PCYT1A: variants seen among roughly 807,000 people sequenced by gnomAD.
The protein encoded by PCYT1A is phosphate cytidylyltransferase 1A, choline.
Under a neutral mutation model 43.7 loss-of-function variants are expected in PCYT1A, and 25 were observed. That is an observed-to-expected ratio of 0.57 (90% CI 0.42 to 0.80). The LOEUF (loss-of-function observed/expected upper bound fraction) is 0.80. Among genes scored for constraint, PCYT1A ranks in the 30% least tolerant of loss-of-function variants. PCYT1A has a pLI of 0.00. For synonymous variants in PCYT1A, 172 were observed against 170.7 expected (o/e 1.01, Z -0.06); for missense variants, 421 against 474.2 (o/e 0.89, Z 1.04).
At chr3:196,272,415 A>G (rs1725459331) in intron 1 of PCYT1A, among the ~76,000 whole-genome samples, 1 of 152,028 alleles carries the variant, frequency 6.6e-6, no homozygotes, top group Admixed American at 6.6e-5. Context: ...CGAACACCTG[A>G]CCTCGTGATC....
rs1236326951 is a variant in PCYT1A, at chr3:196,242,047, TGATGTG to T, written c.603_608del (p.Thr202_Ser203del). Reference sequence around the variant, plus strand: ...CCCGCACAATTCGGGTGATGATGTCTGATGTGGAGATACCTTCTGTCCTCTGTGTTG... The same window carrying T: ...CCCGCACAATTCGGGTGATGATGTCTGAGATACCTTCTGTCCTCTGTGTTG... On this transcript the variant is annotated inframe_deletion, in exon 7 of 9. Coordinates refer to ENST00000431016, the MANE Select transcript of PCYT1A (RefSeq NM_001312673.2). The surrounding 1 kb of genome is among the most constrained non-coding windows in gnomAD (Gnocchi z 4.2). 2 of 1,614,028 alleles carry T rather than the reference TGATGTG, an allele frequency of 1.2e-6. No individual in the cohort carries two copies. Among genetic ancestry groups the T allele is most frequent in the African/African-American group, 2.7e-5 (2 of 74,924 alleles).
intron 7 of PCYT1A, 79 bp from the exon 8 acceptor site, chr3:196,239,814 T>C (rs1724296359): frequency 1.1e-6 from 1 of 911,844 alleles, no homozygotes; most frequent in Admixed American, 2.0e-5. Context: ...AAAACATGGC[T>C]CAAGCACTCA....
intron 1 of PCYT1A, among the ~76,000 whole-genome samples, chr3:196,271,657 T>C (rs1725438309): frequency 7.7e-6 from 1 of 130,450 alleles, no homozygotes; most frequent in South Asian, 2.8e-4. Flanking sequence ...TAGAGTGCAG[T>C]GGCACGATCT....
rs534514613 is a variant in PCYT1A, at chr3:196,276,181, C to T, written c.-10-5640G>A. On this transcript the variant is annotated intron_variant, in intron 1 of 8. Coordinates refer to ENST00000431016, the MANE Select transcript of PCYT1A (RefSeq NM_001312673.2). Reference sequence around the variant, plus strand: ...TAAAAGAGTAGATTTTAAATGTTTTCACCACAAAAAAATAAGTATATAAGG... The same window carrying T: ...TAAAAGAGTAGATTTTAAATGTTTTTACCACAAAAAAATAAGTATATAAGG... Among the ~76,000 whole-genome samples, 4 of 151,688 alleles carry T rather than the reference C, an allele frequency of 2.6e-5. No individual in the cohort carries two copies. In the East Asian group the frequency reaches 7.7e-4, roughly 29 times the overall value.
chr3:196,272,576 C>T (rs1725465768), intron 1 of PCYT1A, among the ~76,000 whole-genome samples: 1 of 152,202 alleles, frequency 6.6e-6, no homozygotes, highest in Non-Finnish European at 1.5e-5. Context: ...ACCTCGACCT[C>T]CCAAAGTGCT....
chr3:196,246,386 G>C (rs1560164279), intron 5 of PCYT1A, among the ~76,000 whole-genome samples: 1 of 151,484 alleles, frequency 6.6e-6, no homozygotes, highest in East Asian at 1.9e-4. Context: ...CCCACCTTTT[G>C]CAGGAAACCT....
At position 196,235,767 on chromosome 3, in the gene PCYT1A, A is replaced by G. The variant is rs1724142704; in HGVS notation, c.*2921T>C. On this transcript the variant is annotated 3_prime_UTR_variant, in exon 9 of 9. Coordinates refer to ENST00000431016, the MANE Select transcript of PCYT1A (RefSeq NM_001312673.2). The surrounding 1 kb of genome is among the most constrained non-coding windows in gnomAD (Gnocchi z 4.3). The stretch of plus-strand genomic sequence containing the variant: ...GTGTGATTCAGGGAAACAGCTCCAT[A>G]GCCTCAAACGTTAATATCTGAAGAT... 6.6e-6 allele frequency: 1 copy of G among 152,290 alleles called. No individual in the cohort carries two copies. Among genetic ancestry groups the G allele is most frequent in the Admixed American group, 6.5e-5 (1 of 15,286 alleles). 9.4% of individuals were successfully genotyped at this position (152,290 alleles called of 1,614,324 possible). A position where few individuals can be genotyped will look rare whatever the true frequency, so the allele number is the denominator to read the frequency against.
chr3:196,239,457 C>T lies in PCYT1A; in HGVS notation c.897+90G>A, dbSNP rs890982438. The T allele has an allele frequency of 1.8e-5, 14 of 782,498 alleles. No homozygotes were observed. The African/African-American group carries it at 2.1e-4, about 11-fold the overall frequency. The allele number at this position is 782,498 out of a possible 1,614,324, so 48.5% of individuals were successfully genotyped here. On this transcript the variant is annotated intron_variant, in intron 8 of 8. Coordinates refer to ENST00000431016, the MANE Select transcript of PCYT1A (RefSeq NM_001312673.2). Reference sequence around the variant, plus strand: ...GATAAGGGGATAGACTAGATAACTTCTCAGTGTCGATGCCCCTTCCTGCTC... The same window carrying T: ...GATAAGGGGATAGACTAGATAACTTTTCAGTGTCGATGCCCCTTCCTGCTC...
At chr3:196,269,070 G>A (rs1000442951) in intron 2 of PCYT1A, among the ~76,000 whole-genome samples, 1 of 152,302 alleles carries the variant, frequency 6.6e-6, no homozygotes, top group East Asian at 1.9e-4. Flanking sequence ...CTTTCCCCTG[G>A]ACCCTCCAGC....
In PCYT1A at chr3:196,252,324, T is replaced by C. The variant is rs1364779313; in HGVS notation, c.218-4001A>G. Among the ~76,000 whole-genome samples, 1 of 152,228 alleles carries C rather than the reference T, an allele frequency of 6.6e-6. No individual in the cohort carries two copies. Among genetic ancestry groups the C allele is most frequent in the African/African-American group, 2.4e-5 (1 of 41,464 alleles). ...GTGTGGTGACATGATCTAGGCTCAC[T>C]GCAACCTCTGCCTCCTGGGTTCAAG... is the stretch of plus-strand genomic sequence containing the variant. On this transcript the variant is annotated intron_variant, in intron 3 of 8. Transcript: ENST00000431016. The surrounding 1 kb of genome is among the most constrained non-coding windows in gnomAD (Gnocchi z 4.0).
rs1724993666 is a variant in PCYT1A, at chr3:196,257,833, G to A, written c.172C>T (p.Pro58Ser). 6.2e-7 allele frequency: 1 copy of A among 1,612,996 alleles called. No homozygotes were observed. The highest frequency in any genetic ancestry group is 1.7e-5 in the Admixed American group (1 of 59,956). The stretch of plus-strand genomic sequence containing the variant: ...TCTTCCATAGTTACCCTGACATAGG[G>A]CTTACTAAAGTCAACTTCAATTTCA... ...SDEIEVDFSK[P>S]YVRVTMEEAS... Residue 58 changes from proline to serine, a missense_variant, in exon 3 of 9, where the codon CCC (proline) becomes TCC (serine). Around this residue, in one of 3 missense-constraint regions of PCYT1A, gnomAD observed 139 missense variants for 117.7 expected, o/e 1.18. Transcript: ENST00000431016.
chr3:196,272,287 C>A (rs966980649), intron 1 of PCYT1A, among the ~76,000 whole-genome samples: 3 of 151,926 alleles, frequency 2.0e-5, no homozygotes, highest in African/African-American at 7.3e-5. Context: ...CAGGTTCAAG[C>A]GATTCTCCTG....
chr3:196,255,007 T>A (rs1577362894), intron 3 of PCYT1A, among the ~76,000 whole-genome samples: 1 of 152,206 alleles, frequency 6.6e-6, no homozygotes, highest in African/African-American at 2.4e-5. Context: ...TTTCTCTAAG[T>A]AGAGAATCTT....
chr3:196,271,557 G>C (rs1181908588), intron 1 of PCYT1A, among the ~76,000 whole-genome samples: 1 of 150,134 alleles, frequency 6.7e-6, no homozygotes, highest in African/African-American at 2.5e-5. Context: ...CTCCAGAATA[G>C]CTAGGACCAG....
In PCYT1A at chr3:196,247,136, G is replaced by C. The variant is rs1310300446; in HGVS notation, c.486+231C>G. ...ATGACAAACACACCACAGGATTGCT[G>C]TGGGCAGAAAATGGAATAGAATGGA... On this transcript the variant is annotated intron_variant, in intron 5 of 8. Coordinates refer to ENST00000431016, the MANE Select transcript of PCYT1A (RefSeq NM_001312673.2). This position sits in a 1 kb window ranked among gnomAD's most constrained non-coding sequence, Gnocchi z 4.8. Among the ~76,000 whole-genome samples, 1 of 152,238 alleles carries C rather than the reference G, an allele frequency of 6.6e-6. No homozygotes were observed. Among genetic ancestry groups the C allele is most frequent in the Non-Finnish European group, 1.5e-5 (1 of 68,046 alleles).
rs143541504 is a variant in PCYT1A, at chr3:196,270,023, G to A, written c.117+392C>T. Among the ~76,000 whole-genome samples, 660 of 152,138 alleles carry A rather than the reference G, an allele frequency of 4.3e-3. 16 individuals are homozygous for A. The South Asian group carries it at 0.07, about 16-fold the overall frequency. On this transcript the variant is annotated intron_variant, in intron 2 of 8. Transcript: ENST00000431016. Reference sequence around the variant, plus strand: ...CAAGCAGCTGAGATTACAGGCATGCGCCACCACGCCCGGCTAATTTTGTAT... The same window carrying A: ...CAAGCAGCTGAGATTACAGGCATGCACCACCACGCCCGGCTAATTTTGTAT...
At chr3:196,264,170 C>T (rs1418188844) in intron 2 of PCYT1A, among the ~76,000 whole-genome samples, 1 of 152,146 alleles carries the variant, frequency 6.6e-6, no homozygotes, top group Non-Finnish European at 1.5e-5. Flanking sequence ...AAGACTGAAA[C>T]CTAGGAGTCA....
rs765290484 is a variant in PCYT1A, at chr3:196,235,948, A to G, written c.*2740T>C. 3 of 152,242 alleles carry G rather than the reference A, an allele frequency of 2.0e-5. No homozygotes were observed. Among genetic ancestry groups the G allele is most frequent in the Admixed American group, 1.3e-4 (2 of 15,282 alleles). 9.4% of individuals were successfully genotyped at this position (152,242 alleles called of 1,614,324 possible). ...TACCCCAAAGTATCTAACAGGCCAC[A>G]CTATAAAAGATTTTAGCTTTCAGTC... On this transcript the variant is annotated 3_prime_UTR_variant, in exon 9 of 9. Transcript: ENST00000431016. The surrounding 1 kb of genome is among the most constrained non-coding windows in gnomAD (Gnocchi z 4.3).
intron 1 of PCYT1A, among the ~76,000 whole-genome samples, chr3:196,272,644 T>C (rs111802015): frequency 3.8e-4 from 58 of 152,264 alleles, no homozygotes; most frequent in African/African-American, 1.3e-3. Context: ...TCAGTACTCA[T>C]TTCCCTTTCC....
Sources: allele counts gnomAD v4.1 joint callset (sites outside exome capture counted in the v4.1 genomes callset), GRCh38; gene constraint gnomAD v4.1.1; regional missense constraint gnomAD v4.1.1; non-coding constraint Gnocchi (gnomAD v3.1); transcripts MANE v1.5; gene names NCBI Gene and HGNC (gene_info 2026-07-23, HGNC 2026-07-21).